Variants in MMP16 observed in about 807,000 individuals in gnomAD.
MMP16 encodes the protein matrix metallopeptidase 16.
In MMP16, 12 loss-of-function variants were observed where a neutral mutation model predicts 67.8. The observed-to-expected ratio is 0.18, with a 90% CI of 0.11 to 0.29. The LOEUF is 0.29. MMP16 is among the 10% of genes least tolerant of loss of function. MMP16 has a pLI of 1.00. For missense variants in MMP16, 475 were observed against 765.7 expected (o/e 0.62, Z 4.48); for synonymous variants, 249 against 255.9 (o/e 0.97, Z 0.26).
chr8:88,062,488 T>A (rs916307617), intron 7 of MMP16, among the ~76,000 whole-genome samples: 2 of 152,086 alleles, frequency 1.3e-5, no homozygotes, highest in African/African-American at 4.8e-5. Context: ...TAAAAAAGGA[T>A]GAGTTCATGT....
At chr8:88,201,132 C>A (rs1173338881) in intron 1 of MMP16, among the ~76,000 whole-genome samples, 1 of 119,828 alleles carries the variant, frequency 8.3e-6, no homozygotes, top group Non-Finnish European at 1.7e-5. Context: ...TTGCAGACAT[C>A]CTTTCCCCCC....
At chr8:88,063,337 G>C (rs555404038) in intron 7 of MMP16, among the ~76,000 whole-genome samples, 1 of 152,162 alleles carries the variant, frequency 6.6e-6, no homozygotes, top group South Asian at 2.1e-4. Context: ...ACCAGGAGCT[G>C]CAGAAACACT....
chr8:88,255,705 C>G (rs1443993300), intron 1 of MMP16, among the ~76,000 whole-genome samples: 1 of 152,148 alleles, frequency 6.6e-6, no homozygotes, highest in East Asian at 1.9e-4. Context: ...ATGTTTTACT[C>G]TGCCGAAGGA....
At chr8:88,099,730 A>C (rs1322039117) in intron 6 of MMP16, among the ~76,000 whole-genome samples, 1 of 151,892 alleles carries the variant, frequency 6.6e-6, no homozygotes, top group African/African-American at 2.4e-5. Flanking sequence ...GGGATACCTC[A>C]TTAGTTAAAG....
intron 8 of MMP16, among the ~76,000 whole-genome samples, chr8:88,049,206 C>A (rs1808238724): frequency 6.6e-6 from 1 of 152,186 alleles, no homozygotes; most frequent in Non-Finnish European, 1.5e-5. Flanking sequence ...CGTGCCTGGA[C>A]TGCATCTTTC....
intron 1 of MMP16, among the ~76,000 whole-genome samples, chr8:88,277,306 G>A (rs1010254237): frequency 6.6e-6 from 1 of 152,112 alleles, no homozygotes; most frequent in African/African-American, 2.4e-5. Context: ...CTATGATTAT[G>A]TGTATCTTCT....
intron 1 of MMP16, among the ~76,000 whole-genome samples, chr8:88,293,493 C>T: frequency 6.6e-6 from 1 of 152,004 alleles, no homozygotes; most frequent in East Asian, 1.9e-4. Flanking sequence ...AAGGTATAAT[C>T]TAAATGACAG....
At chr8:88,145,875 C>A (rs937379089) in intron 4 of MMP16, among the ~76,000 whole-genome samples, 3 of 151,856 alleles carry the variant, frequency 2.0e-5, no homozygotes, top group Non-Finnish European at 4.4e-5. Context: ...GAAATGCTAC[C>A]AGTATCTATG....
At chr8:88,049,980 G>A (rs1808249032) in intron 8 of MMP16, among the ~76,000 whole-genome samples, 1 of 152,084 alleles carries the variant, frequency 6.6e-6, no homozygotes, top group African/African-American at 2.4e-5. Flanking sequence ...AGCTGTGATT[G>A]TGCCACTGCA....
At position 88,036,802 on chromosome 8, in the gene MMP16, C is replaced by CAAA. The variant is rs1808060154; in HGVS notation, c.*4658_*4659insTTT. The stretch of plus-strand genomic sequence containing the variant: ...ACATCTGTGATACTTTGGAATATGC[C>CAAA]CTTGAAAGCATCAGAAATGAAATAA... On this transcript the variant is annotated 3_prime_UTR_variant, in exon 10 of 10. Transcript: ENST00000286614. 6.6e-6 allele frequency: 1 copy of CAAA among 151,146 alleles called. No individual in the cohort carries two copies. Among genetic ancestry groups the CAAA allele is most frequent in the Admixed American group, 6.6e-5 (1 of 15,114 alleles). The allele number at this position is 151,146 out of a possible 1,614,324, so 9.4% of individuals were successfully genotyped here.
At chr8:88,077,112 G>A (rs1405906925) in intron 6 of MMP16, among the ~76,000 whole-genome samples, 1 of 152,216 alleles carries the variant, frequency 6.6e-6, no homozygotes, top group Admixed American at 6.5e-5. Context: ...AAGGTCATGT[G>A]AAACTGCAGA....
intron 4 of MMP16, among the ~76,000 whole-genome samples, chr8:88,129,997 C>A (rs1262668012): frequency 1.3e-5 from 2 of 151,598 alleles, no homozygotes; most frequent in African/African-American, 4.8e-5. Context: ...ATAAGATTTC[C>A]CAGCTTGATT....
At chr8:88,317,071 C>G (rs1332985644) in intron 1 of MMP16, among the ~76,000 whole-genome samples, 1 of 152,114 alleles carries the variant, frequency 6.6e-6, no homozygotes, top group Non-Finnish European at 1.5e-5. Flanking sequence ...ACATCTACTC[C>G]TCGTGAAGAA....
intron 1 of MMP16, among the ~76,000 whole-genome samples, chr8:88,298,388 TA>T (rs1811044396): frequency 6.6e-6 from 1 of 152,108 alleles, no homozygotes; most frequent in African/African-American, 2.4e-5. Context: ...ACCAGAGAAT[TA>T]TAGGCCAATA....
At chr8:88,202,652 C>T (rs1312857308) in intron 1 of MMP16, among the ~76,000 whole-genome samples, 1 of 151,916 alleles carries the variant, frequency 6.6e-6, no homozygotes, top group Non-Finnish European at 1.5e-5. Flanking sequence ...CACACACACA[C>T]ATAAATGGTG....
At chr8:88,090,651 TA>T (rs151310444) in intron 6 of MMP16, among the ~76,000 whole-genome samples, 15,270 of 151,686 alleles carry the variant, frequency 0.1, 917 homozygotes, top group African/African-American at 0.17. Context: ...AAATTTTAAT[TA>T]AAAAAATTAC....
chr8:88,255,064 T>G (rs957432169), intron 1 of MMP16, among the ~76,000 whole-genome samples: 1 of 152,176 alleles, frequency 6.6e-6, no homozygotes, highest in Non-Finnish European at 1.5e-5. Flanking sequence ...CTTGGATATC[T>G]GTCCCCTCCA....
At chr8:88,272,605 G>T (rs141519242) in intron 1 of MMP16, among the ~76,000 whole-genome samples, 1 of 152,116 alleles carries the variant, frequency 6.6e-6, no homozygotes, top group African/African-American at 2.4e-5. Context: ...TGGGACAATT[G>T]GTAAGTAAAT....
At chr8:88,080,256 A>G (rs1808723282) in intron 6 of MMP16, among the ~76,000 whole-genome samples, 1 of 152,176 alleles carries the variant, frequency 6.6e-6, no homozygotes, top group African/African-American at 2.4e-5. Flanking sequence ...GGATGAGTAT[A>G]TATATCTGAG....
Sources: allele counts gnomAD v4.1 joint callset (sites outside exome capture counted in the v4.1 genomes callset), GRCh38; gene constraint gnomAD v4.1.1; transcripts MANE v1.5; gene names NCBI Gene and HGNC (gene_info 2026-07-23, HGNC 2026-07-21).